CERS3: variants seen among roughly 807,000 people sequenced by gnomAD.
The protein encoded by CERS3 is ceramide synthase 3.
In CERS3, 33 loss-of-function variants were observed where a neutral mutation model predicts 50.3. That is an observed-to-expected ratio of 0.66 (90% CI 0.50 to 0.88). The LOEUF is 0.88. Among genes scored for constraint, CERS3 ranks in the 40% least tolerant of loss-of-function variants. The pLI, the probability that CERS3 is intolerant of heterozygous loss-of-function variation, is 0.00. For synonymous variants in CERS3, 176 were observed against 155.2 expected (o/e 1.13, Z -0.99); for missense variants, 470 against 460.3 (o/e 1.02, Z -0.19).
intron 11 of CERS3, among the ~76,000 whole-genome samples, chr15:100,431,369 A>G (rs2033123558): frequency 6.6e-6 from 1 of 152,224 alleles, no homozygotes; most frequent in Non-Finnish European, 1.5e-5. Context: ...TAAATTCTCC[A>G]GAAAAATGTG....
At chr15:100,471,181 T>TAA (rs1272588628) in intron 9 of CERS3, among the ~76,000 whole-genome samples, 1 of 152,226 alleles carries the variant, frequency 6.6e-6, no homozygotes, top group Non-Finnish European at 1.5e-5. Context: ...AAGCTGTTCT[T>TAA]AAAGTTTGCC....
intron 11 of CERS3, among the ~76,000 whole-genome samples, chr15:100,416,760 C>A (rs569461519): frequency 6.6e-6 from 1 of 152,274 alleles, no homozygotes; most frequent in East Asian, 1.9e-4. Context: ...CCTCCCTCAA[C>A]ATGTGGGGAT....
At chr15:100,420,659 T>A (rs1323625141) in intron 11 of CERS3, among the ~76,000 whole-genome samples, 2 of 151,438 alleles carry the variant, frequency 1.3e-5, no homozygotes, top group Admixed American at 6.6e-5. Flanking sequence ...ATATCCTTGA[T>A]GAACATTGAT....
At chr15:100,485,207 G>A (rs943017062) in intron 4 of CERS3, among the ~76,000 whole-genome samples, 2 of 152,180 alleles carry the variant, frequency 1.3e-5, no homozygotes, top group Non-Finnish European at 1.5e-5. Flanking sequence ...ACCAGTGTTA[G>A]CCATCCACTT....
chr15:100,462,429 G>T (rs1313987801), intron 10 of CERS3, among the ~76,000 whole-genome samples: 1 of 152,176 alleles, frequency 6.6e-6, no homozygotes, highest in African/African-American at 2.4e-5. Context: ...TTATTTTCTT[G>T]CTAATTGTGG....
intron 11 of CERS3, among the ~76,000 whole-genome samples, chr15:100,409,868 G>A (rs938892742): frequency 1.4e-4 from 21 of 152,200 alleles, no homozygotes; most frequent in Admixed American, 6.5e-5. Flanking sequence ...CCTCTTTGAA[G>A]AGTGGAGGGG....
At chr15:100,537,017 G>A (rs888857340) in intron 1 of CERS3, among the ~76,000 whole-genome samples, 3 of 152,212 alleles carry the variant, frequency 2.0e-5, no homozygotes, top group African/African-American at 7.2e-5. Context: ...CTGATCTTAA[G>A]GAGATTATGA....
At chr15:100,412,583 C>T (rs986547374) in intron 11 of CERS3, among the ~76,000 whole-genome samples, 1 of 152,046 alleles carries the variant, frequency 6.6e-6, no homozygotes, top group African/African-American at 2.4e-5. Flanking sequence ...AAAACATGAC[C>T]TTAAGATCAG....
intron 11 of CERS3, among the ~76,000 whole-genome samples, chr15:100,435,784 A>T (rs182403492): frequency 6.6e-6 from 1 of 152,344 alleles, no homozygotes; most frequent in South Asian, 2.1e-4. Context: ...CAAGAAAAAA[A>T]CAAACAACCC....
intron 4 of CERS3, among the ~76,000 whole-genome samples, chr15:100,487,955 G>A (rs1341553708): frequency 4.6e-5 from 7 of 152,122 alleles, no homozygotes; most frequent in African/African-American, 1.4e-4. Context: ...ATTTTGCTAA[G>A]GAAAGGGCTA....
chr15:100,462,590 C>T (rs1303026802), intron 10 of CERS3, among the ~76,000 whole-genome samples: 1 of 152,136 alleles, frequency 6.6e-6, no homozygotes, highest in Non-Finnish European at 1.5e-5. Context: ...ACTCTTAACC[C>T]TACTTTCAAA....
At chr15:100,493,188 T>C (rs2035703401) in intron 3 of CERS3, among the ~76,000 whole-genome samples, 1 of 152,222 alleles carries the variant, frequency 6.6e-6, no homozygotes, top group African/African-American at 2.4e-5. Flanking sequence ...GTTACTATCT[T>C]GTGTACTCTC....
chr15:100,454,888 A>T (rs2654586), intron 11 of CERS3, among the ~76,000 whole-genome samples: 150,292 of 152,210 alleles, frequency 0.99, 74,222 homozygotes, highest in Middle Eastern at 1. Context: ...CAACAACAAC[A>T]AATAATAATG....
At chr15:100,500,723 T>C (rs934229703) in intron 3 of CERS3, among the ~76,000 whole-genome samples, 1 of 152,232 alleles carries the variant, frequency 6.6e-6, no homozygotes, top group African/African-American at 2.4e-5. Context: ...GGCTTTCTTT[T>C]CCTCCCAATA....
At chr15:100,415,834 C>G (rs911011964) in intron 11 of CERS3, among the ~76,000 whole-genome samples, 1 of 151,974 alleles carries the variant, frequency 6.6e-6, no homozygotes, top group African/African-American at 2.4e-5. Flanking sequence ...GGACAAATAC[C>G]TAATGTATGT....
At chr15:100,454,357 T>C (rs1469081208) in intron 11 of CERS3, among the ~76,000 whole-genome samples, 3 of 140,960 alleles carry the variant, frequency 2.1e-5, no homozygotes, top group Admixed American at 7.7e-5. Context: ...GCCCCTGCAC[T>C]CTAGCCTTGA....
rs547011488 is a variant in CERS3, at chr15:100,499,524, A to G, written c.173+2153T>C. On this transcript the variant is annotated intron_variant, in intron 3 of 11. Transcript: ENST00000679737. ...TCTTCTTGATTTTCTAGGAAGAAAC[A>G]TTAATTTCTGATCTTAAATAGTTCT... Among the ~76,000 whole-genome samples, 7 of 152,324 alleles carry G rather than the reference A, an allele frequency of 4.6e-5. No homozygotes were observed. In the East Asian group the frequency reaches 1.3e-3, roughly 29 times the overall value.
chr15:100,512,550 T>G (rs2036375500), intron 2 of CERS3, among the ~76,000 whole-genome samples: 1 of 152,122 alleles, frequency 6.6e-6, no homozygotes, highest in Non-Finnish European at 1.5e-5. Context: ...TTCAAGAGGG[T>G]CTGCATGTCA....
intron 9 of CERS3, among the ~76,000 whole-genome samples, chr15:100,471,638 G>A (rs1388801535): frequency 1.3e-5 from 2 of 152,112 alleles, no homozygotes; most frequent in Non-Finnish European, 2.9e-5. Context: ...TTACACCAGC[G>A]AGGGCTGCAT....
Sources: gnomAD v4.1 joint callset for allele counts (sites outside exome capture counted in the v4.1 genomes callset) on GRCh38, gnomAD v4.1.1 for gene constraint, MANE v1.5 for transcripts, NCBI Gene and HGNC (gene_info 2026-07-23, HGNC 2026-07-21) for gene names.